Variants in SELP observed in about 807,000 individuals in gnomAD.
The protein encoded by SELP is selectin P.
SELP carries 92 observed loss-of-function variants against 104.1 expected under a neutral mutation model. The observed-to-expected ratio is 0.88, with a 90% CI of 0.75 to 1.05. The LOEUF is 1.05. Ranked by LOEUF, SELP falls within the 50% of genes least tolerant of loss-of-function variation. The probability of loss-of-function intolerance (pLI) is 0.00; values close to 1 mark genes in which losing one functional copy is unlikely to be tolerated. For missense variants in SELP, 1,022 were observed against 1,017.3 expected, an observed-to-expected ratio of 1.00 and a Z score of -0.06; for synonymous variants, 397 against 364.5, an observed-to-expected ratio of 1.09 and a Z score of -1.01.
chr1:169,627,306 C>G (rs1663421709), intron 1 of SELP, among the ~76,000 whole-genome samples: 1 of 152,132 alleles, frequency 6.6e-6, no homozygotes, highest in Admixed American at 6.5e-5. Context: ...AAGAGGTTGT[C>G]TCTAAGCCAA....
In SELP at chr1:169,597,136, G is replaced by A. The variant is rs776719979; in HGVS notation, c.1746C>T (p.Ser582=). ...CPELFAPEQG[S]LDCSDTRGEF... is the part of the protein sequence containing the mutation. ...CTCCACGAGTGTCAGAACAATCCAG[G>A]CTGCCCTGCTCTGGGGCAAAGAGTT... Residue 582 remains serine (S), a synonymous_variant, in exon 11 of 17, where the codon AGC becomes AGT. Transcript: ENST00000263686. 2 of 1,610,192 alleles carry A rather than the reference G, an allele frequency of 1.2e-6. No homozygotes were observed. The highest frequency in any genetic ancestry group is 1.7e-6 in the Non-Finnish European group (2 of 1,178,114).
chr1:169,609,403 A>T, intron 8 of SELP, 101 bp downstream of exon 8: 1 of 1,182,340 alleles, frequency 8.5e-7, no homozygotes, highest in Non-Finnish European at 1.2e-6. Flanking sequence ...GTAGGTTCTC[A>T]GTGAATATCT....
intron 1 of SELP, among the ~76,000 whole-genome samples, chr1:169,621,115 G>GTT (rs199626289): frequency 7.0e-6 from 1 of 142,320 alleles, no homozygotes; most frequent in Admixed American, 7.0e-5. Flanking sequence ...GTGTGTGTGT[G>GTT]TGTGTCACAC....
rs778950490 is a variant in SELP at position 169,595,977 on chromosome 1, A to G, written c.2049T>C (p.Thr683=). The change falls in exon 12 of 17, where the codon ACT becomes ACC. Residue 683 remains threonine, a synonymous_variant. Coordinates refer to ENST00000263686, the MANE Select transcript of SELP (RefSeq NM_003005.4). ...NAGFTLIGDS[T]LSCRPSGQWT... ...ATTGTCCTGAAGGTCTGCAGCTGAG[A>G]GTGCTGTCTCCTATGAGTGTGAATC... 1 of 1,613,848 alleles carries G rather than the reference A, an allele frequency of 6.2e-7. No homozygotes were observed. The highest frequency in any genetic ancestry group is 1.1e-5 in the South Asian group (1 of 91,070).
intron 16 of SELP, among the ~76,000 whole-genome samples, chr1:169,589,930 T>C (rs1203803330): frequency 6.6e-6 from 1 of 152,238 alleles, no homozygotes; most frequent in Non-Finnish European, 1.5e-5. Context: ...GTTAGGACAT[T>C]TCTGTCCTGG....
intron 10 of SELP, among the ~76,000 whole-genome samples, chr1:169,602,496 AC>A (rs1202592385): frequency 6.6e-6 from 1 of 152,154 alleles, no homozygotes; most frequent in Non-Finnish European, 1.5e-5. Context: ...GAGTTATTTA[AC>A]CTCTTTAAGC....
chr1:169,595,679 T>C (rs1661570472), intron 12 of SELP, among the ~76,000 whole-genome samples: 1 of 152,242 alleles, frequency 6.6e-6, no homozygotes, highest in African/African-American at 2.4e-5. Context: ...CTTGGACATC[T>C]GCAAATGTTT....
At chr1:169,621,093 TTGTGTGTGTGTG>T in intron 1 of SELP, among the ~76,000 whole-genome samples, 1 of 90,482 alleles carries the variant, frequency 1.1e-5, no homozygotes, top group East Asian at 3.4e-4. Context: ...TGGTGTGGAG[TTGTGTGTGTGTG>T]TGTGTGTGTG....
At chr1:169,591,568 A>C in intron 14 of SELP, 112 bp from the exon 15 acceptor site, 1 of 655,744 alleles carries the variant, frequency 1.5e-6, no homozygotes, top group Non-Finnish European at 2.6e-6. Context: ...GATTTTCAGG[A>C]GGGCTCATTA....
At chr1:169,614,645 A>C (rs1662720781) in intron 3 of SELP, among the ~76,000 whole-genome samples, 1 of 152,200 alleles carries the variant, frequency 6.6e-6, no homozygotes, top group Non-Finnish European at 1.5e-5. Context: ...TTACAAAAGA[A>C]TATCCATATG....
At chr1:169,623,459 C>T (rs755035300) in intron 1 of SELP, among the ~76,000 whole-genome samples, 1 of 152,066 alleles carries the variant, frequency 6.6e-6, no homozygotes, top group Non-Finnish European at 1.5e-5. Context: ...GAGATGTTTC[C>T]CATTTTAACC....
chr1:169,610,641 T>C (rs1662474421), intron 7 of SELP, among the ~76,000 whole-genome samples: 1 of 151,994 alleles, frequency 6.6e-6, no homozygotes. Flanking sequence ...CTATTAAAAA[T>C]ACAAAAAGTT....
chr1:169,597,669 T>C (rs560041957), intron 10 of SELP, among the ~76,000 whole-genome samples: 1 of 152,344 alleles, frequency 6.6e-6, no homozygotes, highest in South Asian at 2.1e-4. Context: ...TTGAATCTCC[T>C]CACTAATTGT....
chr1:169,623,616 A>C lies in SELP; in HGVS notation c.4-4397T>G, dbSNP rs3917673. On this transcript the variant is annotated intron_variant, in intron 1 of 16. Coordinates refer to ENST00000263686, the MANE Select transcript of SELP (RefSeq NM_003005.4). The stretch of plus-strand genomic sequence containing the variant: ...AGGACTGGTACAGTGCTTTTGATGA[A>C]GGCACAACATCTAAGAAAGGAAAAT... Among the ~76,000 whole-genome samples, 377 of 152,308 alleles carry C rather than the reference A, an allele frequency of 2.5e-3. 2 individuals carry two copies. The highest frequency in any genetic ancestry group is 8.7e-3 in the African/African-American group (361 of 41,564).
chr1:169,595,639 A>G (rs1289924679), intron 12 of SELP, among the ~76,000 whole-genome samples: 2 of 152,338 alleles, frequency 1.3e-5, no homozygotes, highest in Middle Eastern at 3.4e-3. Flanking sequence ...AGCAGGTTTT[A>G]CATTTAATAT....
chr1:169,619,561 A>G (rs1374000456), intron 1 of SELP, among the ~76,000 whole-genome samples: 1 of 152,228 alleles, frequency 6.6e-6, no homozygotes. Context: ...TTATTATAAA[A>G]CAATCTTTTT....
chr1:169,613,811 A>C, intron 3 of SELP, 118 bp from the exon 4 acceptor site: 1 of 768,694 alleles, frequency 1.3e-6, no homozygotes, highest in Non-Finnish European at 2.2e-6. Context: ...GCCAGACAAG[A>C]GGGAAGCACA....
chr1:169,623,821 C>A (rs1183721394), intron 1 of SELP, among the ~76,000 whole-genome samples: 1 of 152,136 alleles, frequency 6.6e-6, no homozygotes, highest in Non-Finnish European at 1.5e-5. Context: ...ACTTCGAATG[C>A]CTAAGATGGG....
chr1:169,597,110 T>C lies in SELP; in HGVS notation c.1772A>G (p.Glu591Gly). 1 of 1,613,146 alleles carries C rather than the reference T, an allele frequency of 6.2e-7. No individual in the cohort carries two copies. Among genetic ancestry groups the C allele is most frequent in the South Asian group, 1.1e-5 (1 of 91,048 alleles). ...ATGGCAGGTGGAGCCAACATTGAATTCTCCACGAGTGTCAGAACAATCCAG... is the reference window on the plus strand; with the variant it reads ...ATGGCAGGTGGAGCCAACATTGAATCCTCCACGAGTGTCAGAACAATCCAG... ...GSLDCSDTRG[E>G]FNVGSTCHFS... is the part of the protein sequence containing the mutation. The change falls in exon 11 of 17, where the codon GAA becomes GGA. Residue 591 changes from glutamate to glycine, a missense_variant. Transcript: ENST00000263686.
Sources: allele counts gnomAD v4.1 joint callset (sites outside exome capture counted in the v4.1 genomes callset), GRCh38; gene constraint gnomAD v4.1.1; transcripts MANE v1.5; gene names NCBI Gene and HGNC (gene_info 2026-07-23, HGNC 2026-07-21).